TLK1: variants seen among roughly 807,000 people sequenced by gnomAD.
The protein encoded by TLK1 is tousled like kinase 1, also known as serine/threonine-protein kinase tousled-like 1.
A neutral mutation model predicts 105.3 loss-of-function variants in TLK1; 24 were observed. The observed-to-expected ratio is 0.23, with a 90% CI of 0.17 to 0.32. The LOEUF (loss-of-function observed/expected upper bound fraction) is 0.32. Ranked by LOEUF, TLK1 falls within the 10% of genes least tolerant of loss-of-function variation. TLK1 has a pLI of 1.00. For synonymous variants in TLK1, 321 were observed against 310.4 expected (o/e 1.03, Z -0.36); for missense variants, 558 against 910.5 (o/e 0.61, Z 4.98).
chr2:171,002,447 TG>T (rs1411662762), intron 18 of TLK1, among the ~76,000 whole-genome samples: 1 of 151,934 alleles, frequency 6.6e-6, no homozygotes, highest in African/African-American at 2.4e-5. Flanking sequence ...GCTAATTTTT[TG>T]TATTTTTAGT....
chr2:171,136,280 G>C (rs1691318822), intron 1 of TLK1, among the ~76,000 whole-genome samples: 1 of 152,206 alleles, frequency 6.6e-6, no homozygotes, highest in African/African-American at 2.4e-5. Context: ...AACTTACAGA[G>C]ACAGAAAGTA....
At chr2:171,218,991 C>T (rs1693761933) in intron 1 of TLK1, among the ~76,000 whole-genome samples, 1 of 152,094 alleles carries the variant, frequency 6.6e-6, no homozygotes, top group Non-Finnish European at 1.5e-5. Flanking sequence ...TGTTTTCTAG[C>T]CCCATTTTGG....
intron 2 of TLK1, among the ~76,000 whole-genome samples, chr2:171,101,393 T>G (rs1689686582): frequency 7.0e-6 from 1 of 142,078 alleles, no homozygotes; most frequent in Non-Finnish European, 1.5e-5. Context: ...TCATATTGTA[T>G]CACTCCATTG....
intron 2 of TLK1, 107 bp downstream of exon 2, chr2:171,117,632 A>G (rs1436673081): frequency 1.4e-5 from 12 of 836,290 alleles, no homozygotes; most frequent in Non-Finnish European, 1.9e-5. Context: ...ACACATTATA[A>G]AAGTTACATT....
At chr2:171,094,331 AC>A (rs1163828363) in intron 2 of TLK1, among the ~76,000 whole-genome samples, 1 of 152,168 alleles carries the variant, frequency 6.6e-6, no homozygotes, top group African/African-American at 2.4e-5. Flanking sequence ...AACAACAGAT[AC>A]AAAGGACATA....
intron 1 of TLK1, among the ~76,000 whole-genome samples, chr2:171,217,417 G>C (rs1287774134): frequency 6.6e-6 from 1 of 152,150 alleles, no homozygotes; most frequent in African/African-American, 2.4e-5. Context: ...TTGAGAACTG[G>C]TTTCTGGACC....
chr2:171,138,900 T>C (rs775802026), intron 1 of TLK1, among the ~76,000 whole-genome samples: 1 of 152,118 alleles, frequency 6.6e-6, no homozygotes, highest in Non-Finnish European at 1.5e-5. Context: ...GACATTCATA[T>C]TTTTTTACTA....
At chr2:171,054,264 T>C (rs939975979) in intron 7 of TLK1, 2 of 152,794 alleles carry the variant, frequency 1.3e-5, no homozygotes, top group African/African-American at 4.8e-5. Context: ...TTAACACATA[T>C]CTTTTTTTTG....
rs1692889520 is a variant in TLK1 at position 171,179,481 on chromosome 2, T to C, written c.-6+51664A>G. Among the ~76,000 whole-genome samples, 3 of 152,174 alleles carry C rather than the reference T, an allele frequency of 2.0e-5. No individual in the cohort carries two copies. The South Asian group carries it at 6.2e-4, about 32-fold the overall frequency. On this transcript the variant is annotated intron_variant, in intron 1 of 20. Transcript: ENST00000521943. ...TCAGAGGTTTTGAAACATGATAGGCTCTTTATTGCTATGAGTCTGACATTT... is the reference window on the plus strand; with the variant it reads ...TCAGAGGTTTTGAAACATGATAGGCCCTTTATTGCTATGAGTCTGACATTT...
chr2:171,103,945 T>C (rs189520429), intron 2 of TLK1, among the ~76,000 whole-genome samples: 3 of 152,126 alleles, frequency 2.0e-5, no homozygotes, highest in Admixed American at 6.5e-5. Context: ...ACACAGAAAT[T>C]AGTAGCATTT....
At chr2:171,043,969 T>C (rs181668929) in intron 11 of TLK1, among the ~76,000 whole-genome samples, 16 of 152,324 alleles carry the variant, frequency 1.1e-4, no homozygotes, top group Non-Finnish European at 2.2e-4. Context: ...TTACAAAAAG[T>C]ACAGTTCTTT....
chr2:170,997,623 CTT>C, intron 19 of TLK1, 87 bp downstream of exon 19: 1 of 694,944 alleles, frequency 1.4e-6, no homozygotes, highest in Non-Finnish European at 2.3e-6. Context: ...TCTAAATTGA[CTT>C]TAAGTTAGTG....
At chr2:171,197,180 A>G (rs1693291613) in intron 1 of TLK1, among the ~76,000 whole-genome samples, 1 of 152,208 alleles carries the variant, frequency 6.6e-6, no homozygotes, top group Non-Finnish European at 1.5e-5. Flanking sequence ...TGAAAAAAAT[A>G]AGGAAAATAT....
chr2:171,120,408 T>C (rs756764618), intron 1 of TLK1, among the ~76,000 whole-genome samples: 33 of 151,748 alleles, frequency 2.2e-4, no homozygotes, highest in Non-Finnish European at 3.1e-4. Context: ...TGATAAAGGA[T>C]TGATATCCAG....
At chr2:171,129,033 T>C (rs1448730246) in intron 1 of TLK1, among the ~76,000 whole-genome samples, 1 of 152,120 alleles carries the variant, frequency 6.6e-6, no homozygotes, top group African/African-American at 2.4e-5. Context: ...AAACAGAGCA[T>C]GTACTTGATC....
At chr2:171,018,718 A>G (rs1685326072) in intron 12 of TLK1, among the ~76,000 whole-genome samples, 1 of 152,228 alleles carries the variant, frequency 6.6e-6, no homozygotes, top group Non-Finnish European at 1.5e-5. Context: ...GTGCTTAGTA[A>G]GAACACCAAG....
intron 1 of TLK1, among the ~76,000 whole-genome samples, chr2:171,175,710 GC>G (rs1292263783): frequency 1.4e-5 from 2 of 138,344 alleles, no homozygotes; most frequent in Non-Finnish European, 3.0e-5. Context: ...ATTTGATTCA[GC>G]TGATTGCTCC....
intron 2 of TLK1, among the ~76,000 whole-genome samples, chr2:171,097,799 C>T (rs1689511906): frequency 6.6e-6 from 1 of 151,934 alleles, no homozygotes. Context: ...ACGGCGGGTG[C>T]CCATAATCCC....
rs1037563662 is a variant in TLK1 at position 171,205,085 on chromosome 2, T to C, written c.-6+26060A>G. Among the ~76,000 whole-genome samples the C allele has an allele frequency of 2.0e-5, 3 of 152,088 alleles. No individual in the cohort carries two copies. The East Asian group carries it at 5.8e-4, about 29-fold the overall frequency. On this transcript the variant is annotated intron_variant, in intron 1 of 20. Coordinates refer to the TLK1 transcript ENST00000521943. ...TTTAATAGGCAGGTGTGGTGGCTCA[T>C]GCCTGTAATACCAGCACTTTGGGAG...
Sources: gnomAD v4.1 joint callset for allele counts (sites outside exome capture counted in the v4.1 genomes callset) on GRCh38, gnomAD v4.1.1 for gene constraint, MANE v1.5 for transcripts, NCBI Gene and HGNC (gene_info 2026-07-23, HGNC 2026-07-21) for gene names.